The following ANAPC5 variants were observed in gnomAD, a reference collection of about 807,000 sequenced individuals.
ANAPC5 encodes the protein anaphase-promoting complex subunit 5.
A neutral mutation model predicts 91.3 loss-of-function variants in ANAPC5; 60 were observed. The observed-to-expected ratio is 0.66, with a 90% CI of 0.53 to 0.81. ANAPC5 has a LOEUF of 0.81. ANAPC5 is among the 40% of genes least tolerant of loss of function. ANAPC5 has a pLI of 0.00. For synonymous variants in ANAPC5, 340 were observed against 364.1 expected, an observed-to-expected ratio of 0.93 and a Z score of 0.75; for missense variants, 690 against 931.5, an observed-to-expected ratio of 0.74 and a Z score of 3.37.
In ANAPC5 at chr12:121,352,221, C is replaced by G. The variant is rs116306489; in HGVS notation, c.120G>C (p.Leu40=). The G allele has an allele frequency of 4.0e-4, 645 of 1,614,180 alleles. 1 individual carries two copies. The African/African-American group carries it at 7.3e-3, about 18-fold the overall frequency. The change falls in exon 1 of 17, where the codon CTG becomes CTC. Residue 40 remains leucine (L), a synonymous_variant. Coordinates refer to ENST00000261819, the MANE Select transcript of ANAPC5 (RefSeq NM_016237.5). ...VTPYKIAVLV[L]LNEMSRTGEG... is the part of the protein sequence containing the mutation. ...CGCCTGTGCGGCTCATCTCGTTCAG[C>G]AGCACCAGCACCGCGATCTTGTACG...
At chr12:121,331,917 C>T (rs2136789336) in intron 7 of ANAPC5, 1 of 153,006 alleles carries the variant, frequency 6.5e-6, no homozygotes, top group African/African-American at 2.4e-5. Context: ...TCCTAGCTCA[C>T]TGCAGCCTTG....
At chr12:121,343,102 T>C (rs1903523825) in intron 4 of ANAPC5, among the ~76,000 whole-genome samples, 1 of 152,172 alleles carries the variant, frequency 6.6e-6, no homozygotes, top group Non-Finnish European at 1.5e-5. Context: ...AGAAAATATA[T>C]TGGATTATAC....
At chr12:121,333,889 C>T (rs914114846) in intron 7 of ANAPC5, 4 of 152,088 alleles carry the variant, frequency 2.6e-5, no homozygotes, top group Admixed American at 2.6e-4. Context: ...CACATCCCTC[C>T]CACATTACTT....
At chr12:121,316,402 C>A (rs532394717) in intron 15 of ANAPC5, among the ~76,000 whole-genome samples, 1 of 152,284 alleles carries the variant, frequency 6.6e-6, no homozygotes, top group South Asian at 2.1e-4. Flanking sequence ...ACAAAATTAT[C>A]ATGACTCAGC....
At chr12:121,321,043 A>T (rs1902583873) in intron 11 of ANAPC5, 1 of 152,036 alleles carries the variant, frequency 6.6e-6, no homozygotes, top group Non-Finnish European at 1.5e-5. Context: ...TGAGGTTGGG[A>T]GTTCGAGACC....
At chr12:121,315,107 G>T (rs1902305613) in intron 15 of ANAPC5, among the ~76,000 whole-genome samples, 1 of 151,826 alleles carries the variant, frequency 6.6e-6, no homozygotes, top group African/African-American at 2.4e-5. Flanking sequence ...CCTGTTACAG[G>T]TAATAAGTTT....
At chr12:121,333,643 G>A (rs1471159927) in intron 7 of ANAPC5, 4 of 152,120 alleles carry the variant, frequency 2.6e-5, no homozygotes, top group African/African-American at 7.2e-5. Context: ...AACATCTTTG[G>A]TCTAGGCCTC....
Position 121,328,412 on chromosome 12 carries a change from T to C in ANAPC5, c.1208A>G (p.Lys403Arg). The C allele has an allele frequency of 6.2e-7, 1 of 1,613,928 alleles. No individual in the cohort carries two copies. The highest frequency in any genetic ancestry group is 8.5e-7 in the Non-Finnish European group (1 of 1,179,964). The change falls in exon 10 of 17, where the codon AAG becomes AGG. Residue 403 changes from lysine (K) to arginine (R), a missense_variant. Physicochemically the swap from Lys to Arg is conservative, Grantham distance 26. Transcript: ENST00000261819. ...KTANKLMDALKDSDLLHWKHS... is the reference protein window; with the variant it reads ...KTANKLMDALRDSDLLHWKHS... The stretch of plus-strand genomic sequence containing the variant: ...TTTCCAGTGCAGGAGGTCGGAGTCC[T>C]TTAGGGCATCCATCAGCTTGTTTGC...
At chr12:121,318,994 T>C (rs1390150235) in intron 13 of ANAPC5, among the ~76,000 whole-genome samples, 3 of 151,820 alleles carry the variant, frequency 2.0e-5, no homozygotes, top group Non-Finnish European at 2.9e-5. Context: ...CACTCCAGCC[T>C]GGGCGACAGA....
Position 121,352,207 on chromosome 12 carries a change from C to T in ANAPC5, c.134G>A (p.Ser45Asn), listed in dbSNP as rs1555275470. ...GCTGACGGCGCCCTCGCCTGTGCGG[C>T]TCATCTCGTTCAGCAGCACCAGCAC... ...IAVLVLLNEM[S>N]RTGEGAVSLM... The change falls in exon 1 of 17, where the codon AGC becomes AAC. Residue 45 changes from serine (S) to asparagine (N), a missense_variant. This residue lies in a region of ANAPC5 where 238 missense variants were observed against 264.9 expected (regional missense o/e 0.90). Transcript: ENST00000261819. The T allele has an allele frequency of 6.2e-7, 1 of 1,614,110 alleles. No homozygotes were observed. The highest frequency in any genetic ancestry group is 1.7e-5 in the Admixed American group (1 of 60,028).
chr12:121,343,594 G>A (rs1555274318), intron 4 of ANAPC5, among the ~76,000 whole-genome samples: 1 of 152,206 alleles, frequency 6.6e-6, no homozygotes, highest in African/African-American at 2.4e-5. Context: ...CATTTGTAAG[G>A]AAATGAGTTT....
At chr12:121,317,339 C>T (rs1268662435) in intron 15 of ANAPC5, among the ~76,000 whole-genome samples, 2 of 151,484 alleles carry the variant, frequency 1.3e-5, no homozygotes, top group African/African-American at 2.4e-5. Context: ...CTGCAACCTC[C>T]GCCTCCCAGG....
chr12:121,312,394 T>C (rs1164980611), intron 15 of ANAPC5, among the ~76,000 whole-genome samples: 1 of 151,288 alleles, frequency 6.6e-6, no homozygotes, highest in African/African-American at 2.4e-5. Context: ...TGAAACCCCA[T>C]CTCTACTAAA....
At chr12:121,352,472 G>T, upstream of ANAPC5, 2 of 742,922 alleles carry the variant, frequency 2.7e-6, no homozygotes, top group Non-Finnish European at 4.3e-6. Context: ...CGTGCTCGCG[G>T]CATTTGTTAA....
chr12:121,316,766 G>A (rs1218266554), intron 15 of ANAPC5, among the ~76,000 whole-genome samples: 2 of 148,800 alleles, frequency 1.3e-5, no homozygotes, highest in Non-Finnish European at 3.0e-5. Context: ...AAGAAAACAG[G>A]TGTTCAAACA....
At chr12:121,328,276 C>G (rs1781475118) in intron 10 of ANAPC5, 40 bp downstream of exon 10, 4 of 1,602,644 alleles carry the variant, frequency 2.5e-6, no homozygotes, top group Non-Finnish European at 3.4e-6. Flanking sequence ...TCCTGCTTCT[C>G]TCTAAAGAAT....
At chr12:121,327,361 G>T in intron 10 of ANAPC5, 130 bp from the exon 11 acceptor site, 3 of 1,147,802 alleles carry the variant, frequency 2.6e-6, no homozygotes, top group Non-Finnish European at 3.6e-6. Flanking sequence ...CTTGGGAGCA[G>T]ATGCCTCCCA....
At position 121,318,579 on chromosome 12, in the gene ANAPC5, T is replaced by C; in HGVS notation, c.1667A>G (p.Gln556Arg). ...TAAAAGCTTATGTGCCTCTGACATT[T>C]GGTTCTGAGCTTGTAATACAACCGC... Reference protein sequence around the residue: ...RKAVVLQAQNQMSEAHKLLQK... With the variant: ...RKAVVLQAQNRMSEAHKLLQK... Residue 556 changes from glutamine to arginine, a missense_variant, in exon 14 of 17, where the codon CAA becomes CGA. Transcript: ENST00000261819. 6.2e-7 allele frequency: 1 copy of C among 1,614,216 alleles called. No homozygotes were observed. The highest frequency in any genetic ancestry group is 1.3e-5 in the African/African-American group (1 of 75,066).
chr12:121,331,209 T>A, intron 8 of ANAPC5, 138 bp downstream of exon 8: 1 of 622,876 alleles, frequency 1.6e-6, no homozygotes, highest in Non-Finnish European at 2.7e-6. Context: ...CCTTTCTGAA[T>A]TCCCATGACC....
Sources: gnomAD v4.1 joint callset for allele counts (sites outside exome capture counted in the v4.1 genomes callset) on GRCh38, gnomAD v4.1.1 for gene constraint, gnomAD v4.1.1 regional missense constraint, MANE v1.5 for transcripts, NCBI Gene and HGNC (gene_info 2026-07-23, HGNC 2026-07-21) for gene names.